RAB40C: variants seen among roughly 807,000 people sequenced by gnomAD.
The protein encoded by RAB40C is ras-related protein Rab-40C.
A neutral mutation model predicts 28.1 loss-of-function variants in RAB40C; 8 were observed. That is an observed-to-expected ratio of 0.28 (90% CI 0.17 to 0.51). The LOEUF (loss-of-function observed/expected upper bound fraction) is 0.51, where lower values mean the gene tolerates loss of function less well. Ranked by LOEUF, RAB40C falls within the 20% of genes least tolerant of loss-of-function variation. The pLI is 0.97. For synonymous variants in RAB40C, 201 were observed against 171.7 expected (o/e 1.17, Z -1.34); for missense variants, 288 against 405.9 (o/e 0.71, Z 2.50).
Position 627,672 on chromosome 16 carries a change from A to C in RAB40C, c.*50A>C. The C allele has an allele frequency of 7.9e-6, 12 of 1,526,160 alleles. No homozygotes were observed. Among genetic ancestry groups the C allele is most frequent in the Non-Finnish European group, 9.7e-6 (11 of 1,135,528 alleles). 94.5% of individuals were successfully genotyped at this position (1,526,160 alleles called of 1,614,324 possible). A position where few individuals can be genotyped will look rare whatever the true frequency, so the allele number is the denominator to read the frequency against. ...CAGATGCCAGGAGGGCTCGAGCTGG[A>C]CACTCCTGGCTGGACGCCAGGCCAG... On this transcript the variant is annotated 3_prime_UTR_variant, in exon 6 of 6. Transcript: ENST00000248139.
chr16:590,185 G>A lies in RAB40C; in HGVS notation c.-107G>A. Reference sequence around the variant, plus strand: ...TCGGGCGCGCCCACTCGGCCGCCGTGGGGCGGACGCAACGGGCGCAGGTGC... The same window carrying A: ...TCGGGCGCGCCCACTCGGCCGCCGTAGGGCGGACGCAACGGGCGCAGGTGC... On this transcript the variant is annotated 5_prime_UTR_variant, in exon 1 of 6. Transcript: ENST00000248139. 1 of 845,388 alleles carries A rather than the reference G, an allele frequency of 1.2e-6. No individual in the cohort carries two copies. The highest frequency in any genetic ancestry group is 1.4e-6 in the Non-Finnish European group (1 of 689,806). The allele number at this position is 845,388 out of a possible 1,614,324, so 52.4% of individuals were successfully genotyped here.
At position 624,402 on chromosome 16, in the gene RAB40C, G is replaced by A. The variant is rs1269932528; in HGVS notation, c.265-1030G>A. On this transcript the variant is annotated intron_variant, in intron 3 of 5. Coordinates refer to ENST00000248139, the MANE Select transcript of RAB40C (RefSeq NM_021168.5). Reference sequence around the variant, plus strand: ...CACCAGACTGACTTGGCCATCTCTGGCCTCGAAGGGTCTCCCTCAGCGAGA... The same window carrying A: ...CACCAGACTGACTTGGCCATCTCTGACCTCGAAGGGTCTCCCTCAGCGAGA... 3 of 985,334 alleles carry A rather than the reference G, an allele frequency of 3.0e-6. No individual in the cohort carries two copies. In the East Asian group the frequency reaches 3.4e-4, roughly 112 times the overall value. The allele number at this position is 985,334 out of a possible 1,614,324, so 61.0% of individuals were successfully genotyped here.
chr16:625,820 C>A, intron 4 of RAB40C, 79 bp from the exon 5 acceptor site: 1 of 1,352,382 alleles, frequency 7.4e-7, no homozygotes, highest in Non-Finnish European at 1.0e-6. Flanking sequence ...ATAGTCCAGA[C>A]AATGAGGGCG....
Position 590,509 on chromosome 16 carries a change from C to T in RAB40C, c.142+76C>T, listed in dbSNP as rs573473604. On this transcript the variant is annotated intron_variant, in intron 1 of 5. Transcript: ENST00000248139. The stretch of plus-strand genomic sequence containing the variant: ...AGCTGGGCACGGAGCTCGCCCTCGG[C>T]CCGGCCCTTCCAAGCGCCGCCGAAC... 4.3e-6 allele frequency: 6 copies of T among 1,388,544 alleles called. No homozygotes were observed. In the South Asian group the frequency reaches 4.7e-5, roughly 11 times the overall value. The allele number at this position is 1,388,544 out of a possible 1,614,324, so 86.0% of individuals were successfully genotyped here.
intron 1 of RAB40C, among the ~76,000 whole-genome samples, chr16:590,788 C>T (rs1383859067): frequency 6.6e-5 from 10 of 150,490 alleles, no homozygotes; most frequent in Non-Finnish European, 1.5e-4. Flanking sequence ...TGTCATGGGC[C>T]TGGGGAAGGT....
At chr16:597,372 G>C (rs1370386258) in intron 1 of RAB40C, among the ~76,000 whole-genome samples, 2 of 152,082 alleles carry the variant, frequency 1.3e-5, no homozygotes, top group Non-Finnish European at 2.9e-5. Context: ...AAACCAAACT[G>C]GGAAGGATTC....
intron 1 of RAB40C, among the ~76,000 whole-genome samples, chr16:595,695 C>T (rs745481163): frequency 2.0e-5 from 3 of 151,852 alleles, no homozygotes; most frequent in South Asian, 2.1e-4. Flanking sequence ...CTCCACCTCC[C>T]GGGTTCAAGT....
intron 1 of RAB40C, among the ~76,000 whole-genome samples, chr16:596,848 C>T (rs1395150943): frequency 6.6e-6 from 1 of 152,180 alleles, no homozygotes; most frequent in East Asian, 1.9e-4. Flanking sequence ...TGGACTCGCA[C>T]TTTGAGCCTA....
intron 1 of RAB40C, among the ~76,000 whole-genome samples, chr16:593,038 G>C (rs1455481805): frequency 2.6e-5 from 4 of 152,234 alleles, no homozygotes; most frequent in African/African-American, 7.2e-5. Flanking sequence ...GTGCTCTCAG[G>C]GCCCGGGGCA....
At position 602,444 on chromosome 16, in the gene RAB40C, A is replaced by C. The variant is rs925138485; in HGVS notation, c.142+12011A>C. On this transcript the variant is annotated intron_variant, in intron 1 of 5. Coordinates refer to ENST00000248139, the MANE Select transcript of RAB40C (RefSeq NM_021168.5). Reference sequence around the variant, plus strand: ...TAATTTTTTAATAAATTATTTTTTTATTTTTGAGACAAAGTCTTGCTCTTG... The same window carrying C: ...TAATTTTTTAATAAATTATTTTTTTCTTTTTGAGACAAAGTCTTGCTCTTG... Among the ~76,000 whole-genome samples the C allele has an allele frequency of 2.6e-5, 4 of 151,338 alleles. No homozygotes were observed. In the South Asian group the frequency reaches 8.3e-4, roughly 32 times the overall value.
chr16:618,770 G>A (rs2036647080), intron 3 of RAB40C, among the ~76,000 whole-genome samples: 1 of 145,826 alleles, frequency 6.9e-6, no homozygotes, highest in Admixed American at 6.8e-5. Flanking sequence ...GGCCATGTGT[G>A]CAGTGTGTGC....
chr16:621,032 G>A (rs1385155598), intron 3 of RAB40C, among the ~76,000 whole-genome samples: 3 of 152,262 alleles, frequency 2.0e-5, no homozygotes, highest in Non-Finnish European at 2.9e-5. Context: ...CAAAGCATCT[G>A]GCACAACTGG....
chr16:599,300 G>A (rs941337362), intron 1 of RAB40C, among the ~76,000 whole-genome samples: 2 of 152,252 alleles, frequency 1.3e-5, no homozygotes, highest in African/African-American at 2.4e-5. Context: ...TGCCAAGGCA[G>A]TGTCAGGCTG....
At position 626,024 on chromosome 16, in the gene RAB40C, C is replaced by T; in HGVS notation, c.468C>T (p.Ser156=). The change falls in exon 5 of 6, where the codon AGC becomes AGT. Residue 156 remains serine, a synonymous_variant. Coordinates refer to ENST00000248139, the MANE Select transcript of RAB40C (RefSeq NM_021168.5). ...EKNCMTFFEV[S]PLCNFNVIES... Reference sequence around the variant, plus strand: ...ACTGCATGACCTTCTTTGAGGTCAGCCCCCTGTGCAACTTCAACGTCATCG... The same window carrying T: ...ACTGCATGACCTTCTTTGAGGTCAGTCCCCTGTGCAACTTCAACGTCATCG... 2 of 1,613,386 alleles carry T rather than the reference C, an allele frequency of 1.2e-6. No homozygotes were observed. The highest frequency in any genetic ancestry group is 8.5e-7 in the Non-Finnish European group (1 of 1,179,944).
chr16:607,557 A>C (rs2036387321), intron 1 of RAB40C, among the ~76,000 whole-genome samples: 1 of 150,674 alleles, frequency 6.6e-6, no homozygotes, highest in Non-Finnish European at 1.5e-5. Flanking sequence ...TAATCGCAGC[A>C]CTTTGGGAGG....
intron 1 of RAB40C, among the ~76,000 whole-genome samples, chr16:592,205 C>T (rs1436791767): frequency 6.6e-6 from 1 of 152,234 alleles, no homozygotes; most frequent in African/African-American, 2.4e-5. Flanking sequence ...GGGCTCTTGT[C>T]CGTCCTGTCT....
intron 1 of RAB40C, among the ~76,000 whole-genome samples, chr16:614,938 A>G (rs2036557663): frequency 6.6e-6 from 1 of 152,216 alleles, no homozygotes; most frequent in African/African-American, 2.4e-5. Context: ...GAACTGCTTA[A>G]TGGCGTTGTC....
chr16:610,325 G>A lies in RAB40C; in HGVS notation c.143-6883G>A, dbSNP rs138640042. 6.5e-4 allele frequency among the ~76,000 whole-genome samples: 98 copies of A among 151,904 alleles called. No homozygotes were observed. Among genetic ancestry groups the A allele is most frequent in the East Asian group, 4.1e-3 (21 of 5,160 alleles). The stretch of plus-strand genomic sequence containing the variant: ...GTCGGCTGAGAGGCAGCGCCTGGCT[G>A]GGGCTAGATGAACAAGAGGGTTATT... On this transcript the variant is annotated intron_variant, in intron 1 of 5. Transcript: ENST00000248139. This position sits in a 1 kb window ranked among gnomAD's most constrained non-coding sequence, Gnocchi z 4.6.
At position 598,376 on chromosome 16, in the gene RAB40C, C is replaced by CA. The variant is rs59657468; in HGVS notation, c.142+7958dup. Among the ~76,000 whole-genome samples, 680 of 132,892 alleles carry CA rather than the reference C, an allele frequency of 5.1e-3. 3 individuals are homozygous for CA. The highest frequency in any genetic ancestry group is 0.011 in the Middle Eastern group (3 of 268). 87.2% of individuals were successfully genotyped at this position (132,892 alleles called of 152,430 possible). ...TGGGTGACAGAGCGAGACTCCACCT[C>CA]AAAAAAAAAAAAAAATACAAATACA... On this transcript the variant is annotated intron_variant, in intron 1 of 5. Coordinates refer to ENST00000248139, the MANE Select transcript of RAB40C (RefSeq NM_021168.5).
Sources: allele counts gnomAD v4.1 joint callset (sites outside exome capture counted in the v4.1 genomes callset), GRCh38; gene constraint gnomAD v4.1.1; non-coding constraint Gnocchi (gnomAD v3.1); transcripts MANE v1.5; gene names NCBI Gene and HGNC (gene_info 2026-07-23, HGNC 2026-07-21).